The following SMARCA1 variants were observed in gnomAD, a reference collection of about 807,000 sequenced individuals.
SMARCA1 encodes SNF2 related chromatin remodeling ATPase 1.
SMARCA1 carries 17 observed loss-of-function variants against 93.6 expected under a neutral mutation model. The ratio of observed to expected loss-of-function variants is 0.18; its 90% CI spans 0.12 to 0.27. The LOEUF (loss-of-function observed/expected upper bound fraction) is 0.27. Among genes scored for constraint, SMARCA1 ranks in the 10% least tolerant of loss-of-function variants. SMARCA1 has a pLI of 1.00. For synonymous variants in SMARCA1, 271 were observed against 271.4 expected (o/e 1.00, Z 0.01); for missense variants, 630 against 819.0 (o/e 0.77, Z 2.82).
chrX:129,516,002 TA>T lies in SMARCA1; in HGVS notation c.429-9del, dbSNP rs770753695. The T allele has an allele frequency of 1.7e-6, 2 of 1,157,211 alleles. No individual in the cohort carries two copies. Among genetic ancestry groups the T allele is most frequent in the Non-Finnish European group, 2.4e-6 (2 of 849,052 alleles). ...GTGCGCCTATGGCGGTAGCTGAAAT[TA>T]AAAAAGGAAATCCCTTCATATTCGA... On this transcript the variant is annotated splice_polypyrimidine_tract_variant and intron_variant, in intron 3 of 24. Transcript: ENST00000371121.
At chrX:129,478,155 C>T (rs1319960301) in intron 19 of SMARCA1, among the ~76,000 whole-genome samples, 1 of 111,801 alleles carries the variant, frequency 8.9e-6, no homozygotes, top group Non-Finnish European at 1.9e-5. Flanking sequence ...ATGTTATACT[C>T]CCTCATTAGC....
intron 1 of SMARCA1, among the ~76,000 whole-genome samples, chrX:129,519,309 T>C (rs1439466211): frequency 9.0e-6 from 1 of 110,986 alleles, no homozygotes; most frequent in East Asian, 2.8e-4. Context: ...AACCAAGAAA[T>C]AAAATAATAA....
At chrX:129,456,403 A>G (rs1172849388) in intron 23 of SMARCA1, among the ~76,000 whole-genome samples, 1 of 112,212 alleles carries the variant, frequency 8.9e-6, no homozygotes, top group Non-Finnish European at 1.9e-5. Context: ...TTAACACAAC[A>G]TTCATTTACA....
chrX:129,510,657 G>A (rs773310477), intron 6 of SMARCA1, among the ~76,000 whole-genome samples: 2 of 112,028 alleles, frequency 1.8e-5, no homozygotes, highest in Non-Finnish European at 3.8e-5. Context: ...TAAATATACC[G>A]AGACATTATG....
At chrX:129,496,259 C>T (rs1157696342) in intron 12 of SMARCA1, among the ~76,000 whole-genome samples, 1 of 105,351 alleles carries the variant, frequency 9.5e-6, no homozygotes, top group Non-Finnish European at 1.9e-5. Context: ...TATTTTGTCA[C>T]ATTTAGTTTT....
intron 23 of SMARCA1, among the ~76,000 whole-genome samples, chrX:129,460,306 G>T (rs1323532333): frequency 9.0e-6 from 1 of 110,765 alleles, no homozygotes; most frequent in Non-Finnish European, 1.9e-5. Flanking sequence ...TACCAATGAT[G>T]TATTAATTCA....
intron 19 of SMARCA1, among the ~76,000 whole-genome samples, chrX:129,480,401 A>G (rs1194599781): frequency 1.8e-5 from 2 of 112,414 alleles, no homozygotes; most frequent in South Asian, 3.6e-4. Flanking sequence ...CCGCATACCT[A>G]TTGTTCTCTC....
chrX:129,454,135 C>A (rs985871964), intron 23 of SMARCA1, among the ~76,000 whole-genome samples: 1 of 111,636 alleles, frequency 9.0e-6, no homozygotes, highest in South Asian at 3.7e-4. Flanking sequence ...AGAAATAACA[C>A]CACACATCTA....
At chrX:129,495,817 T>C (rs1315737207) in intron 12 of SMARCA1, among the ~76,000 whole-genome samples, 1 of 106,077 alleles carries the variant, frequency 9.4e-6, no homozygotes. Context: ...TCACCCAGGC[T>C]GGAGCGGTGC....
chrX:129,462,305 C>G (rs1228539835), intron 23 of SMARCA1, among the ~76,000 whole-genome samples: 2 of 111,752 alleles, frequency 1.8e-5, no homozygotes, highest in Non-Finnish European at 3.8e-5. Context: ...AATGAAACAA[C>G]TTCTTTGTAT....
chrX:129,514,957 G>C (rs1477308383), intron 5 of SMARCA1, among the ~76,000 whole-genome samples: 1 of 111,495 alleles, frequency 9.0e-6, no homozygotes, highest in Admixed American at 9.5e-5. Flanking sequence ...GACTGAGACA[G>C]AGAATTGCTT....
intron 12 of SMARCA1, among the ~76,000 whole-genome samples, chrX:129,493,515 G>A (rs940740004): frequency 5.4e-5 from 6 of 111,215 alleles, no homozygotes; most frequent in Admixed American, 1.9e-4. Context: ...AACTACCACC[G>A]TCACAGTCAG....
rs183356844 is a variant in SMARCA1, at chrX:129,469,497, T to C, written c.2566-592A>G. On this transcript the variant is annotated intron_variant, in intron 20 of 24. Coordinates refer to ENST00000371121, the MANE Select transcript of SMARCA1 (RefSeq NM_001282874.2). Reference sequence around the variant, plus strand: ...AAAACACTTTAGCCAGTGTTTTAAATTCCCTTGGCATTATTAGCATGTCTG... The same window carrying C: ...AAAACACTTTAGCCAGTGTTTTAAACTCCCTTGGCATTATTAGCATGTCTG... 1.4e-3 allele frequency among the ~76,000 whole-genome samples: 154 copies of C among 112,240 alleles called. 1 individual carries two copies. Among genetic ancestry groups the C allele is most frequent in the Middle Eastern group, 4.6e-3 (1 of 217 alleles).
At chrX:129,463,990 T>C (rs1386259098) in intron 23 of SMARCA1, among the ~76,000 whole-genome samples, 1 of 111,782 alleles carries the variant, frequency 8.9e-6, no homozygotes, top group African/African-American at 3.3e-5. Flanking sequence ...TAAATAAATG[T>C]TGTGTTGCTG....
chrX:129,494,589 C>T (rs900927182), intron 12 of SMARCA1, among the ~76,000 whole-genome samples: 6 of 111,025 alleles, frequency 5.4e-5, no homozygotes, highest in Non-Finnish European at 1.1e-4. Flanking sequence ...GAGAGGGATG[C>T]GGGCTAAGAG....
chrX:129,522,943 CG>C (rs1352777712), intron 1 of SMARCA1, among the ~76,000 whole-genome samples: 6 of 111,178 alleles, frequency 5.4e-5, no homozygotes, highest in Non-Finnish European at 1.1e-4. Flanking sequence ...CCCCAGGCCC[CG>C]GGAGAGCGGG....
At chrX:129,490,514 A>C (rs956485679) in intron 14 of SMARCA1, among the ~76,000 whole-genome samples, 3 of 112,227 alleles carry the variant, frequency 2.7e-5, no homozygotes, top group Non-Finnish European at 3.8e-5. Flanking sequence ...CGAAACTAGC[A>C]AGGAATTTTA....
chrX:129,469,278 A>G (rs1025928291), intron 20 of SMARCA1, among the ~76,000 whole-genome samples: 36 of 111,713 alleles, frequency 3.2e-4, no homozygotes, highest in African/African-American at 1.1e-3. Context: ...CATAAATTAA[A>G]AGAGAGAAAT....
intron 23 of SMARCA1, 73 bp downstream of exon 23, chrX:129,465,447 G>T: frequency 1.5e-6 from 1 of 648,441 alleles, no homozygotes; most frequent in Non-Finnish European, 2.4e-6. Context: ...GAGAATCTAG[G>T]TGAAGGATAT....
Sources: gnomAD v4.1 joint callset for allele counts (sites outside exome capture counted in the v4.1 genomes callset) on GRCh38, gnomAD v4.1.1 for gene constraint, MANE v1.5 for transcripts, NCBI Gene and HGNC (gene_info 2026-07-23, HGNC 2026-07-21) for gene names.